MAST4: variants seen among roughly 807,000 people sequenced by gnomAD.
The protein encoded by MAST4 is microtubule-associated serine/threonine-protein kinase 4.
Under a neutral mutation model 162.7 loss-of-function variants are expected in MAST4, and 89 were observed. That is an observed-to-expected ratio of 0.55 (90% CI 0.46 to 0.65). The LOEUF (loss-of-function observed/expected upper bound fraction) is 0.65. Among genes scored for constraint, MAST4 ranks in the 30% least tolerant of loss-of-function variants. The pLI is 0.00. For missense variants in MAST4, 3,153 were observed against 3,374.0 expected (o/e 0.93, Z 1.62); for synonymous variants, 1,479 against 1,361.1 (o/e 1.09, Z -1.91).
At chr5:66,944,944 A>G (rs1408620946) in intron 4 of MAST4, among the ~76,000 whole-genome samples, 1 of 152,154 alleles carries the variant, frequency 6.6e-6, no homozygotes, top group Non-Finnish European at 1.5e-5. Context: ...AAGATGATTG[A>G]CTGATAGCCT....
intron 1 of MAST4, among the ~76,000 whole-genome samples, chr5:66,635,445 A>G (rs1019406000): frequency 5.3e-5 from 8 of 152,186 alleles, no homozygotes; most frequent in African/African-American, 1.2e-4. Context: ...TTTATTGTTT[A>G]TACTTACTTT....
chr5:67,137,612 A>G (rs1769829306), intron 19 of MAST4, among the ~76,000 whole-genome samples: 1 of 152,222 alleles, frequency 6.6e-6, no homozygotes, highest in African/African-American at 2.4e-5. Flanking sequence ...TATTCTCCAC[A>G]TTCACCCACC....
At chr5:66,686,563 C>T (rs1203617444) in intron 1 of MAST4, among the ~76,000 whole-genome samples, 1 of 152,178 alleles carries the variant, frequency 6.6e-6, no homozygotes, top group East Asian at 1.9e-4. Flanking sequence ...TCTTCATTAA[C>T]TCTGCTGTCA....
rs1581798605 is a variant in MAST4, at chr5:67,166,607, T to A, written c.7428T>A (p.Ser2476=). 1 of 1,601,038 alleles carries A rather than the reference T, an allele frequency of 6.2e-7. No homozygotes were observed. The highest frequency in any genetic ancestry group is 2.3e-5 in the East Asian group (1 of 44,262). Residue 2476 remains serine (S), a synonymous_variant, in exon 29 of 29, where the codon TCT becomes TCA. Transcript: ENST00000403625. The part of the protein sequence containing the change: ...PETRAGVREA[S]AASSDTSSAK... ...CCAGGGCCGGAGTTAGAGAGGCCTC[T>A]GCAGCCAGCAGCGACACCTCTTCTG... is the stretch of plus-strand genomic sequence containing the variant.
chr5:67,090,293 CTCTCCCCACT>C, intron 6 of MAST4, 62 bp downstream of exon 6: 1 of 1,230,724 alleles, frequency 8.1e-7, no homozygotes, highest in Non-Finnish European at 1.2e-6. Context: ...TTTCCTCTCC[CTCTCCCCACT>C]TCTCCCCCTC....
At chr5:66,921,437 A>G (rs1265815925) in intron 4 of MAST4, among the ~76,000 whole-genome samples, 3 of 152,134 alleles carry the variant, frequency 2.0e-5, no homozygotes, top group African/African-American at 7.2e-5. Flanking sequence ...TGACATTGTA[A>G]AAGATGAAAA....
intron 5 of MAST4, among the ~76,000 whole-genome samples, chr5:67,064,476 G>T (rs1043417948): frequency 1.3e-5 from 2 of 152,118 alleles, no homozygotes; most frequent in Non-Finnish European, 2.9e-5. Context: ...GCAAGTCAAG[G>T]ATTACTTTCC....
In MAST4 at chr5:67,090,228, G is replaced by A. The variant is rs1561638550; in HGVS notation, c.830G>A (p.Arg277Gln). ...GCCTCAGCCCATTTTTCATTTGCAC[G>A]GAGGTAAGGACTTTTTGTGAGTGGA... Reference protein sequence around the residue: ...PSASAHFSFARRTDGRRWSLA... With the variant: ...PSASAHFSFAQRTDGRRWSLA... The change falls in exon 6 of 29, where the codon CGG (arginine) becomes CAG (glutamine). Residue 277 changes from arginine to glutamine, a missense_variant. By Grantham distance (43) the Arg-to-Gln change is conservative. This residue lies in a region of MAST4 where 360 missense variants were observed against 450.0 expected (regional missense o/e 0.80). Coordinates refer to ENST00000403625, the MANE Select transcript of MAST4 (RefSeq NM_001164664.2). 8.1e-6 allele frequency: 13 copies of A among 1,611,288 alleles called. No homozygotes were observed. Among genetic ancestry groups the A allele is most frequent in the Admixed American group, 3.3e-5 (2 of 59,908 alleles).
intron 5 of MAST4, among the ~76,000 whole-genome samples, chr5:67,083,532 T>G (rs1762896913): frequency 6.6e-6 from 1 of 152,174 alleles, no homozygotes; most frequent in African/African-American, 2.4e-5. Flanking sequence ...AAAACCCATT[T>G]CCTGATAATA....
intron 4 of MAST4, among the ~76,000 whole-genome samples, chr5:66,951,216 G>A (rs927587606): frequency 6.6e-6 from 1 of 152,180 alleles, no homozygotes; most frequent in African/African-American, 2.4e-5. Flanking sequence ...AAGCTTTCAG[G>A]TTGTATCACT....
intron 1 of MAST4, among the ~76,000 whole-genome samples, chr5:66,635,294 G>A (rs190888470): frequency 1.7e-3 from 263 of 152,282 alleles, no homozygotes; most frequent in African/African-American, 5.9e-3. Context: ...GAAACGACAC[G>A]TTAGTTTTGT....
chr5:67,113,348 C>CCAAAAAT (rs2150918036), intron 11 of MAST4, among the ~76,000 whole-genome samples: 1 of 139,912 alleles, frequency 7.1e-6, no homozygotes, highest in African/African-American at 2.5e-5. Context: ...AGGATGAAGA[C>CCAAAAAT]CAAAAATACA....
chr5:66,726,473 G>C (rs761814925), intron 1 of MAST4, among the ~76,000 whole-genome samples: 1 of 152,132 alleles, frequency 6.6e-6, no homozygotes, highest in Non-Finnish European at 1.5e-5. Flanking sequence ...AGTTATTGAG[G>C]CTGGAGTTGC....
intron 1 of MAST4, among the ~76,000 whole-genome samples, chr5:66,747,263 A>C (rs1199096873): frequency 6.6e-6 from 1 of 152,076 alleles, no homozygotes. Context: ...AAGAAATGAA[A>C]CTAGTGCTAC....
At chr5:66,721,547 CTTAATG>C (rs1751210675) in intron 1 of MAST4, among the ~76,000 whole-genome samples, 1 of 151,398 alleles carries the variant, frequency 6.6e-6, no homozygotes, top group Non-Finnish European at 1.5e-5. Context: ...TCCTTGACCT[CTTAATG>C]TTAGAGTCCC....
At chr5:67,096,798 A>G (rs974597980) in intron 7 of MAST4, among the ~76,000 whole-genome samples, 6 of 152,142 alleles carry the variant, frequency 3.9e-5, no homozygotes, top group Admixed American at 2.6e-4. Flanking sequence ...TCTATCCATT[A>G]TTCCATTTTG....
At chr5:67,110,762 G>C (rs1429242807) in intron 11 of MAST4, among the ~76,000 whole-genome samples, 1 of 152,182 alleles carries the variant, frequency 6.6e-6, no homozygotes, top group Non-Finnish European at 1.5e-5. Context: ...GGTGGCTCAC[G>C]CCTGTAACCC....
At chr5:66,636,815 G>A (rs528015987) in intron 1 of MAST4, among the ~76,000 whole-genome samples, 26 of 152,282 alleles carry the variant, frequency 1.7e-4, no homozygotes, top group African/African-American at 6.3e-4. Context: ...TGCTGAGATT[G>A]TCCTTAGAAA....
chr5:66,681,038 A>G (rs1210220100), intron 1 of MAST4, among the ~76,000 whole-genome samples: 4 of 152,198 alleles, frequency 2.6e-5, no homozygotes, highest in Non-Finnish European at 5.9e-5. Flanking sequence ...GAAGGTATTA[A>G]CAATATGATA....
Sources: gnomAD v4.1 joint callset for allele counts (sites outside exome capture counted in the v4.1 genomes callset) on GRCh38, gnomAD v4.1.1 for gene constraint, gnomAD v4.1.1 regional missense constraint, MANE v1.5 for transcripts, NCBI Gene and HGNC (gene_info 2026-07-23, HGNC 2026-07-21) for gene names.